The following KIRREL3 variants were observed in gnomAD, a reference collection of about 807,000 sequenced individuals.
The protein encoded by KIRREL3 is kirre like nephrin family adhesion molecule 3, also known as kin of IRRE-like protein 3.
A neutral mutation model predicts 89.7 loss-of-function variants in KIRREL3; 36 were observed. That is an observed-to-expected ratio of 0.40 (90% CI 0.31 to 0.53). KIRREL3 has a LOEUF of 0.53. Among genes scored for constraint, KIRREL3 ranks in the 20% least tolerant of loss-of-function variants. KIRREL3 has a pLI of 0.49. For missense variants in KIRREL3, 864 were observed against 1,056.6 expected (o/e 0.82, Z 2.53); for synonymous variants, 445 against 441.4 (o/e 1.01, Z -0.10).
intron 1 of KIRREL3, among the ~76,000 whole-genome samples, chr11:126,894,657 T>C (rs1348025206): frequency 1.4e-5 from 2 of 145,466 alleles, no homozygotes; most frequent in African/African-American, 5.2e-5. Flanking sequence ...GAGGCTGAGG[T>C]GAAATCCCTG....
At chr11:126,497,193 AGT>A (rs367965833) in intron 4 of KIRREL3, among the ~76,000 whole-genome samples, 1 of 58,648 alleles carries the variant, frequency 1.7e-5, no homozygotes, top group Admixed American at 2.1e-4. Context: ...TGAGAGTGTG[AGT>A]GTGTGTGAGT....
Position 126,969,397 on chromosome 11 carries a change from T to G in KIRREL3, c.55+31058A>C, listed in dbSNP as rs574720586. 3.3e-5 allele frequency among the ~76,000 whole-genome samples: 5 copies of G among 152,170 alleles called. No individual in the cohort carries two copies. In the South Asian group the frequency reaches 6.2e-4, roughly 19 times the overall value. On this transcript the variant is annotated intron_variant, in intron 1 of 16. Coordinates refer to ENST00000525144, the MANE Select transcript of KIRREL3 (RefSeq NM_032531.4). This position sits in a 1 kb window ranked among gnomAD's most constrained non-coding sequence, Gnocchi z 4.9. ...GCAGGTGTGAAGGTGGAGGTAAGTT[T>G]GGGGTGCTATGGGAACTCAGAGGAG...
rs1940795290 is a variant in KIRREL3 at position 126,569,891 on chromosome 11, G to A, written c.56-6979C>T. ...ATGCCATTCTGATTGCAGAATGATG[G>A]GGTCTTCTGTTTGGAAAGTTTTCAC... On this transcript the variant is annotated intron_variant, in intron 1 of 16. Coordinates refer to ENST00000525144, the MANE Select transcript of KIRREL3 (RefSeq NM_032531.4). This position sits in a 1 kb window ranked among gnomAD's most constrained non-coding sequence, Gnocchi z 6.5. Among the ~76,000 whole-genome samples the A allele has an allele frequency of 6.6e-6, 1 of 152,070 alleles. No homozygotes were observed. Among genetic ancestry groups the A allele is most frequent in the Non-Finnish European group, 1.5e-5 (1 of 68,020 alleles).
At position 126,541,511 on chromosome 11, in the gene KIRREL3, T is replaced by TA. The variant is rs1433770982; in HGVS notation, c.134-14825dup. On this transcript the variant is annotated intron_variant, in intron 2 of 16. Transcript: ENST00000525144. The surrounding 1 kb of genome is among the most constrained non-coding windows in gnomAD (Gnocchi z 4.8). ...GGGCTCAGATCTATATCCTAAACAT[T>TA]AAAAAAAGTAAACAAAATAATCATT... Among the ~76,000 whole-genome samples the TA allele has an allele frequency of 1.3e-5, 2 of 151,874 alleles. No individual in the cohort carries two copies. The highest frequency in any genetic ancestry group is 6.6e-5 in the Admixed American group (1 of 15,258).
chr11:126,552,821 C>A (rs993114802), intron 2 of KIRREL3, among the ~76,000 whole-genome samples: 4 of 152,030 alleles, frequency 2.6e-5, no homozygotes, highest in African/African-American at 9.7e-5. Flanking sequence ...CCTCAGCCTC[C>A]CAAAATGCTG....
chr11:126,832,870 G>A (rs191682152), intron 1 of KIRREL3, among the ~76,000 whole-genome samples: 4 of 152,208 alleles, frequency 2.6e-5, no homozygotes, highest in Admixed American at 6.5e-5. Context: ...GTGTGCAGAC[G>A]GCATATTCCC....
At position 126,484,037 on chromosome 11, in the gene KIRREL3, A is replaced by G. The variant is rs1451251424; in HGVS notation, c.434-10571T>C. 6.6e-6 allele frequency among the ~76,000 whole-genome samples: 1 copy of G among 152,158 alleles called. No individual in the cohort carries two copies. Among genetic ancestry groups the G allele is most frequent in the African/African-American group, 2.4e-5 (1 of 41,422 alleles). ...GCCATTACCACCTGTTGTTCCCCTG[A>G]GGCTGTGAGCTCCTTGAGGGCTGGT... On this transcript the variant is annotated intron_variant, in intron 4 of 16. Coordinates refer to ENST00000525144, the MANE Select transcript of KIRREL3 (RefSeq NM_032531.4). The surrounding 1 kb of genome is among the most constrained non-coding windows in gnomAD (Gnocchi z 5.2).
At chr11:126,942,214 C>G (rs892396366) in intron 1 of KIRREL3, among the ~76,000 whole-genome samples, 9 of 152,082 alleles carry the variant, frequency 5.9e-5, no homozygotes, top group Admixed American at 5.9e-4. Context: ...TTAGTTTACT[C>G]ATTAATAAAA....
Position 126,704,725 on chromosome 11 carries a change from C to T in KIRREL3, c.56-141813G>A, listed in dbSNP as rs557158096. The stretch of plus-strand genomic sequence containing the variant: ...TTCCAGGATGGCTCCTGGCTGTCTG[C>T]GTTAGCAGGTCACTTTTGGGCTAGC... On this transcript the variant is annotated intron_variant, in intron 1 of 16. Coordinates refer to ENST00000525144, the MANE Select transcript of KIRREL3 (RefSeq NM_032531.4). This position sits in a 1 kb window ranked among gnomAD's most constrained non-coding sequence, Gnocchi z 4.2. 8.5e-5 allele frequency among the ~76,000 whole-genome samples: 13 copies of T among 152,324 alleles called. No individual in the cohort carries two copies. The highest frequency in any genetic ancestry group is 3.1e-4 in the African/African-American group (13 of 41,564).
In KIRREL3 at chr11:126,703,238, C is replaced by T. The variant is rs1032396597; in HGVS notation, c.56-140326G>A. Among the ~76,000 whole-genome samples, 7 of 152,218 alleles carry T rather than the reference C, an allele frequency of 4.6e-5. No individual in the cohort carries two copies. Among genetic ancestry groups the T allele is most frequent in the African/African-American group, 1.2e-4 (5 of 41,456 alleles). ...ACTTCACAGGCTGGGCTGCCATGAG[C>T]GGCTGCTGCAGGCTGTGCACTGCAC... On this transcript the variant is annotated intron_variant, in intron 1 of 16. Transcript: ENST00000525144. The surrounding 1 kb of genome is among the most constrained non-coding windows in gnomAD (Gnocchi z 4.6).
intron 1 of KIRREL3, among the ~76,000 whole-genome samples, chr11:126,964,410 A>G (rs1385270355): frequency 6.6e-6 from 1 of 152,202 alleles, no homozygotes; most frequent in Non-Finnish European, 1.5e-5. Context: ...TTCAGTGAAT[A>G]TAATTGTCAG....
intron 1 of KIRREL3, among the ~76,000 whole-genome samples, chr11:126,597,211 G>A (rs1942438643): frequency 6.6e-6 from 1 of 152,180 alleles, no homozygotes; most frequent in Non-Finnish European, 1.5e-5. Flanking sequence ...CTCTGGTCAA[G>A]AGCAGCCTCG....
rs187286162 is a variant in KIRREL3 at position 126,878,247 on chromosome 11, T to C, written c.55+122208A>G. 5.8e-4 allele frequency among the ~76,000 whole-genome samples: 88 copies of C among 152,304 alleles called. 1 individual carries two copies. Among genetic ancestry groups the C allele is most frequent in the Admixed American group, 1.2e-3 (18 of 15,296 alleles). ...TAAACTTTACTGCAGAGTTAAAAAC[T>C]GTGGAGAGTTAAAAGTCCCCTGCAG... is the stretch of plus-strand genomic sequence containing the variant. On this transcript the variant is annotated intron_variant, in intron 1 of 16. Transcript: ENST00000525144.
At chr11:126,730,392 C>T (rs1037538720) in intron 1 of KIRREL3, among the ~76,000 whole-genome samples, 5 of 152,360 alleles carry the variant, frequency 3.3e-5, no homozygotes, top group African/African-American at 7.2e-5. Flanking sequence ...TCACCCTATA[C>T]GTCTGGTCAA....
intron 1 of KIRREL3, among the ~76,000 whole-genome samples, chr11:126,631,306 G>A (rs1247177720): frequency 4.6e-5 from 7 of 152,266 alleles, no homozygotes; most frequent in African/African-American, 9.6e-5. Context: ...GTAACTAAGC[G>A]GCTTGATGAG....
rs1471989927 is a variant in KIRREL3 at position 126,445,119 on chromosome 11, C to G, written c.1126-14G>C. On this transcript the variant is annotated splice_polypyrimidine_tract_variant and intron_variant, in intron 9 of 16. Transcript: ENST00000525144. The stretch of plus-strand genomic sequence containing the variant: ...ATTGCTCAGGACCTAGGAGAATTGG[C>G]AGGCTCAGATGCCAAGAGCAGGCGG... The G allele has an allele frequency of 3.7e-6, 6 of 1,613,384 alleles. No homozygotes were observed. Among genetic ancestry groups the G allele is most frequent in the South Asian group, 2.2e-5 (2 of 91,036 alleles).
rs1016442665 is a variant in KIRREL3, at chr11:126,653,228, G to A, written c.56-90316C>T. ...TCTACAGAATCCAACGGAGGAGGCG[G>A]TACTGGGGCCCGTGGTGGCAGAGGA... On this transcript the variant is annotated intron_variant, in intron 1 of 16. Coordinates refer to ENST00000525144, the MANE Select transcript of KIRREL3 (RefSeq NM_032531.4). This position sits in a 1 kb window ranked among gnomAD's most constrained non-coding sequence, Gnocchi z 5.4. Among the ~76,000 whole-genome samples, 2 of 152,186 alleles carry A rather than the reference G, an allele frequency of 1.3e-5. No homozygotes were observed. Among genetic ancestry groups the A allele is most frequent in the African/African-American group, 4.8e-5 (2 of 41,458 alleles).
chr11:126,907,466 G>A (rs1320757011), intron 1 of KIRREL3, among the ~76,000 whole-genome samples: 3 of 152,186 alleles, frequency 2.0e-5, no homozygotes, highest in Non-Finnish European at 4.4e-5. Flanking sequence ...AACACAGTGA[G>A]CTATAAGAAA....
intron 1 of KIRREL3, among the ~76,000 whole-genome samples, chr11:126,820,031 A>C (rs1435864518): frequency 6.6e-6 from 1 of 152,226 alleles, no homozygotes; most frequent in Non-Finnish European, 1.5e-5. Flanking sequence ...ACTTTCATTC[A>C]TTCTCTCATT....
Sources: gnomAD v4.1 joint callset for allele counts (sites outside exome capture counted in the v4.1 genomes callset) on GRCh38, gnomAD v4.1.1 for gene constraint, Gnocchi (gnomAD v3.1) non-coding constraint, MANE v1.5 for transcripts, NCBI Gene and HGNC (gene_info 2026-07-23, HGNC 2026-07-21) for gene names.